Variants in CCNB3 observed in about 807,000 individuals in gnomAD.
CCNB3 encodes the protein cyclin B3.
CCNB3 carries 12 observed loss-of-function variants against 68.0 expected under a neutral mutation model. The ratio of observed to expected loss-of-function variants is 0.18; its 90% CI spans 0.11 to 0.29. CCNB3 has a LOEUF of 0.29. Ranked by LOEUF, CCNB3 falls within the 10% of genes least tolerant of loss-of-function variation. CCNB3 has a pLI of 1.00. For synonymous variants in CCNB3, 354 were observed against 388.9 expected, an observed-to-expected ratio of 0.91 and a Z score of 1.06; for missense variants, 904 against 993.1, an observed-to-expected ratio of 0.91 and a Z score of 1.21.
intron 8 of CCNB3, among the ~76,000 whole-genome samples, chrX:50,315,999 T>A (rs1557215711): frequency 9.0e-6 from 1 of 111,489 alleles, no homozygotes; most frequent in South Asian, 3.8e-4. Flanking sequence ...GTAATATGGT[T>A]TGGCTATGTC....
In CCNB3 at chrX:50,311,087, C is replaced by T; in HGVS notation, c.2918C>T (p.Thr973Ile). The T allele has an allele frequency of 8.3e-7, 1 of 1,210,235 alleles. No individual in the cohort carries two copies. ...ACATTGTTGGTCCCCCAAGTTGGAA[C>T]CAGCCCAAATGTGTCTAGCACTGCC... ...LKTLLVPQVG[T>I]SPNVSSTAPE... The change falls in exon 6 of 13, where the codon ACC (threonine) becomes ATC (isoleucine). Residue 973 changes from threonine to isoleucine, a missense_variant. By Grantham distance (89) the Thr-to-Ile change is moderately conservative. This residue lies in a region of CCNB3 where 285 missense variants were observed against 383.4 expected (regional missense o/e 0.74). Transcript: ENST00000376042.
chrX:50,318,196 A>T, intron 8 of CCNB3, among the ~76,000 whole-genome samples: 1 of 101,706 alleles, frequency 9.8e-6, no homozygotes, highest in South Asian at 4.4e-4. Flanking sequence ...GTATTGTGAT[A>T]TTTTCAACTC....
Position 50,288,672 on chromosome X carries a change from C to T in CCNB3, c.97-108C>T, listed in dbSNP as rs1349020242. On this transcript the variant is annotated intron_variant, in intron 3 of 12. Transcript: ENST00000376042. ...TATTGGGGTTTATTATATGCATCCTCAGTTACTCTGAGGTTCTGGAGTTCC... is the reference window on the plus strand; with the variant it reads ...TATTGGGGTTTATTATATGCATCCTTAGTTACTCTGAGGTTCTGGAGTTCC... 2.1e-5 allele frequency: 10 copies of T among 477,312 alleles called. No individual in the cohort carries two copies. The African/African-American group carries it at 2.4e-4, about 12-fold the overall frequency. 39.3% of individuals were successfully genotyped at this position (477,312 alleles called of 1,213,427 possible). A position where few individuals can be genotyped will look rare whatever the true frequency, so the allele number is the denominator to read the frequency against.
At chrX:50,222,328 T>A (rs964148985) in intron 1 of CCNB3, among the ~76,000 whole-genome samples, 2 of 111,730 alleles carry the variant, frequency 1.8e-5, no homozygotes, top group Non-Finnish European at 1.9e-5. Flanking sequence ...CTGGTTATTT[T>A]GCCTGCTAGT....
chrX:50,285,187 G>T lies in CCNB3; in HGVS notation c.24G>T (p.Gln8His). The T allele has an allele frequency of 8.3e-7, 1 of 1,210,264 alleles. No individual in the cohort carries two copies. The part of the protein sequence containing the change: MLLPLPP[Q>H]SSKPVPKKSQ... ...TGATGCTACTGCCACTACCACCCCA[G>T]AGCTCCAAACCTGTGCCTAAGAAAT... Residue 8 changes from glutamine (Q) to histidine (H), a missense_variant, in exon 3 of 13, where the codon CAG (glutamine) becomes CAT (histidine). Gln to His is a conservative substitution (Grantham distance 24). Coordinates refer to ENST00000376042, the MANE Select transcript of CCNB3 (RefSeq NM_033031.3).
At chrX:50,226,125 C>T (rs1463677188) in intron 1 of CCNB3, among the ~76,000 whole-genome samples, 4 of 63,931 alleles carry the variant, frequency 6.3e-5, no homozygotes, top group South Asian at 8.0e-4. Flanking sequence ...TATATATATT[C>T]GATATATATA....
chrX:50,228,943 AAT>A (rs1441600408), intron 1 of CCNB3, among the ~76,000 whole-genome samples: 1 of 36,321 alleles, frequency 2.8e-5, no homozygotes, highest in Non-Finnish European at 4.5e-5. Context: ...ATATATGTAG[AAT>A]ATATATATAA....
At chrX:50,215,029 G>T (rs921312685) in intron 1 of CCNB3, among the ~76,000 whole-genome samples, 15 of 110,023 alleles carry the variant, frequency 1.4e-4, no homozygotes, top group Non-Finnish European at 2.7e-4. Flanking sequence ...TTGCTCTGTC[G>T]CCCGGGCTGG....
chrX:50,345,198 T>C (rs1923342420), intron 9 of CCNB3, among the ~76,000 whole-genome samples: 1 of 108,912 alleles, frequency 9.2e-6, no homozygotes, highest in South Asian at 4.1e-4. Flanking sequence ...ACCTGCTCAC[T>C]TGAGCCCTCC....
At chrX:50,219,532 G>A (rs1423743854) in intron 1 of CCNB3, among the ~76,000 whole-genome samples, 7 of 111,140 alleles carry the variant, frequency 6.3e-5, no homozygotes, top group East Asian at 5.7e-4. Flanking sequence ...TGGGGAATCC[G>A]TTCCCCATTG....
At chrX:50,280,384 C>G (rs937736132) in intron 1 of CCNB3, among the ~76,000 whole-genome samples, 51 of 106,008 alleles carry the variant, frequency 4.8e-4, no homozygotes, top group Non-Finnish European at 8.5e-4. Flanking sequence ...GTTTGTTAAA[C>G]AAACTAATGT....
In CCNB3 at chrX:50,309,866, A is replaced by G. The variant is rs1172578932; in HGVS notation, c.1697A>G (p.Glu566Gly). ...GAAGATAAGAATTCTTTCTTTATGG[A>G]GCCAATGTCATTTAGGAAGAACCCT... is the stretch of plus-strand genomic sequence containing the variant. ...IGEDKNSFFM[E>G]PMSFRKNPTT... is the part of the protein sequence containing the mutation. Residue 566 changes from glutamate to glycine, a missense_variant, in exon 6 of 13, where the codon GAG (glutamate) becomes GGG (glycine). Coordinates refer to ENST00000376042, the MANE Select transcript of CCNB3 (RefSeq NM_033031.3). 2.1e-5 allele frequency: 25 copies of G among 1,209,343 alleles called. No individual in the cohort carries two copies. Among genetic ancestry groups the G allele is most frequent in the Non-Finnish European group, 2.8e-5 (25 of 894,670 alleles).
chrX:50,341,365 A>C (rs1470633639), intron 8 of CCNB3, among the ~76,000 whole-genome samples: 1 of 107,829 alleles, frequency 9.3e-6, no homozygotes, highest in African/African-American at 3.3e-5. Flanking sequence ...ATAAATAAAT[A>C]AATAAATAAG....
At chrX:50,215,076 G>A (rs1247172508) in intron 1 of CCNB3, among the ~76,000 whole-genome samples, 3 of 110,384 alleles carry the variant, frequency 2.7e-5, no homozygotes, top group East Asian at 5.7e-4. Context: ...TGCAAGCTCC[G>A]CCTCCCGGGT....
At chrX:50,280,174 T>TATATATAAATATATATAGA (rs1936104785) in intron 1 of CCNB3, among the ~76,000 whole-genome samples, 3 of 87,478 alleles carry the variant, frequency 3.4e-5, no homozygotes, top group African/African-American at 1.3e-4. Context: ...ATATATAGAA[T>TATATATAAATATATATAGA]ATATATATAA....
intron 9 of CCNB3, 137 bp downstream of exon 9, chrX:50,342,476 G>A (rs1262510067): frequency 1.0e-5 from 6 of 577,332 alleles, no homozygotes; most frequent in Admixed American, 4.5e-5. Context: ...TTATACTATG[G>A]TGGTCCCATA....
At chrX:50,225,399 G>A (rs2146990806) in intron 1 of CCNB3, among the ~76,000 whole-genome samples, 1 of 111,406 alleles carries the variant, frequency 9.0e-6, no homozygotes, top group South Asian at 3.8e-4. Context: ...GACGTAGGCA[G>A]GACCTTGTAG....
Position 50,310,693 on chromosome X carries a change from G to A in CCNB3, c.2524G>A (p.Glu842Lys), listed in dbSNP as rs1569542924. 2 of 1,211,132 alleles carry A rather than the reference G, an allele frequency of 1.7e-6. No individual in the cohort carries two copies. The highest frequency in any genetic ancestry group is 2.2e-6 in the Non-Finnish European group (2 of 895,282). Residue 842 changes from glutamate to lysine, a missense_variant, in exon 6 of 13, where the codon GAG becomes AAG. By Grantham distance (56) the Glu-to-Lys change is moderately conservative. Around this residue, in one of 2 missense-constraint regions of CCNB3, gnomAD observed 619 missense variants for 609.8 expected, o/e 1.02. Coordinates refer to ENST00000376042, the MANE Select transcript of CCNB3 (RefSeq NM_033031.3). ...ALQEEPSTEK[E>K]AVLKEPSVDT... ...GCAGGAGGAGCCCAGCACTGAGAAG[G>A]AGGCTGTCCTCAAGGAGCCCAGTGT...
intron 8 of CCNB3, among the ~76,000 whole-genome samples, chrX:50,318,177 T>C (rs182595054): frequency 9.4e-6 from 1 of 106,883 alleles, no homozygotes; most frequent in Admixed American, 1.0e-4. Context: ...TAGTTAGTCT[T>C]AAAACTGGGT....
Sources: allele counts gnomAD v4.1 joint callset (sites outside exome capture counted in the v4.1 genomes callset), GRCh38; gene constraint gnomAD v4.1.1; regional missense constraint gnomAD v4.1.1; transcripts MANE v1.5; gene names NCBI Gene and HGNC (gene_info 2026-07-23, HGNC 2026-07-21).